Variants in RBFOX1 observed in about 807,000 individuals in gnomAD.
The protein encoded by RBFOX1 is RNA binding protein fox-1 homolog 1.
RBFOX1 carries 8 observed loss-of-function variants against 57.7 expected under a neutral mutation model. That is an observed-to-expected ratio of 0.14 (90% CI 0.08 to 0.25). The LOEUF (loss-of-function observed/expected upper bound fraction) is 0.25, where lower values mean the gene tolerates loss of function less well. Among genes scored for constraint, RBFOX1 ranks in the 10% least tolerant of loss-of-function variants. The probability of loss-of-function intolerance (pLI) is 1.00; values close to 1 mark genes in which losing one functional copy is unlikely to be tolerated. For synonymous variants in RBFOX1, 326 were observed against 222.4 expected (o/e 1.47, Z -4.15); for missense variants, 611 against 548.5 (o/e 1.11, Z -1.14).
At chr16:7,507,883 G>C (rs955984838) in intron 4 of RBFOX1, among the ~76,000 whole-genome samples, 19 of 150,050 alleles carry the variant, frequency 1.3e-4, no homozygotes, top group African/African-American at 4.7e-4. Flanking sequence ...ATTTTTAAAA[G>C]AATACATAAG....
At chr16:6,518,797 GTCTATCTATCTATCTATCTATCTA>G (rs58687392) in intron 2 of RBFOX1, among the ~76,000 whole-genome samples, 1 of 103,980 alleles carries the variant, frequency 9.6e-6, no homozygotes, top group Admixed American at 1.1e-4. Context: ...CTGTGTGTCT[GTCTATCTATCTATCTATCTATCTA>G]TCTATCTATC....
chr16:7,419,153 C>A (rs982896140), intron 4 of RBFOX1, among the ~76,000 whole-genome samples: 1 of 152,248 alleles, frequency 6.6e-6, no homozygotes, highest in African/African-American at 2.4e-5. Context: ...AGCAGTTCAC[C>A]CACCGTGGCC....
At chr16:5,417,934 C>T (rs9922748) in intron 1 of RBFOX1, among the ~76,000 whole-genome samples, 38,696 of 151,898 alleles carry the variant, frequency 0.25, 5,308 homozygotes, top group South Asian at 0.32. Context: ...TACAAAAATT[C>T]GCTGGGTGTT....
Position 5,295,646 on chromosome 16 carries a change from A to T in RBFOX1, c.219+55541A>T, listed in dbSNP as rs74003854. Among the ~76,000 whole-genome samples the T allele has an allele frequency of 6.9e-3, 1,054 of 152,286 alleles. 16 individuals are homozygous for T. The highest frequency in any genetic ancestry group is 0.023 in the African/African-American group (969 of 41,546). On this transcript the variant is annotated intron_variant, in intron 1 of 2. Coordinates refer to the RBFOX1 transcript ENST00000585867. ...GGGCCTCTCCATCTGGCCGCTCATG[A>T]CATGGCAGCTCACATCTTCAAAGCC...
intron 3 of RBFOX1, among the ~76,000 whole-genome samples, chr16:5,842,104 GAGAGAGGCCTGGA>G (rs2056640128): frequency 6.6e-6 from 1 of 152,126 alleles, no homozygotes; most frequent in Non-Finnish European, 1.5e-5. Flanking sequence ...CAGGTTCCTG[GAGAGAGGCCTGGA>G]AGAGTGAGAA....
intron 3 of RBFOX1, among the ~76,000 whole-genome samples, chr16:6,732,634 A>T (rs780126054): frequency 4.1e-4 from 63 of 152,246 alleles, no homozygotes; most frequent in Non-Finnish European, 8.4e-4. Context: ...ATGTAAGGAC[A>T]GTGACATTGG....
At chr16:6,526,829 C>CAAAAAAAAAAAAAAAAAAAAAA (rs541468859) in intron 2 of RBFOX1, among the ~76,000 whole-genome samples, 2 of 32,892 alleles carry the variant, frequency 6.1e-5, no homozygotes, top group African/African-American at 1.1e-4. Context: ...GACTCTGTCT[C>CAAAAAAAAAAAAAAAAAAAAAA]AAAAAAAAAA....
At chr16:6,895,586 T>A (rs573573256) in intron 3 of RBFOX1, among the ~76,000 whole-genome samples, 1 of 150,846 alleles carries the variant, frequency 6.6e-6, no homozygotes, top group Non-Finnish European at 1.5e-5. Context: ...TTCAGAAAAT[T>A]TTTTTAAAGG....
At chr16:7,592,581 T>A (rs1025722946) in intron 7 of RBFOX1, among the ~76,000 whole-genome samples, 2 of 152,192 alleles carry the variant, frequency 1.3e-5, no homozygotes, top group African/African-American at 2.4e-5. Flanking sequence ...TGGATTTTCT[T>A]TTCTTGCCGG....
chr16:6,784,178 T>C (rs2081512655), intron 3 of RBFOX1, among the ~76,000 whole-genome samples: 1 of 152,140 alleles, frequency 6.6e-6, no homozygotes, highest in Non-Finnish European at 1.5e-5. Context: ...TGAAAAGTTG[T>C]CTGTTATTTT....
intron 2 of RBFOX1, among the ~76,000 whole-genome samples, chr16:6,364,392 A>G (rs2089193632): frequency 6.6e-6 from 1 of 152,020 alleles, no homozygotes; most frequent in Non-Finnish European, 1.5e-5. Flanking sequence ...CTCCAACATT[A>G]AAGACATTTG....
intron 2 of RBFOX1, among the ~76,000 whole-genome samples, chr16:5,532,595 T>G (rs1216944312): frequency 6.6e-6 from 1 of 152,182 alleles, no homozygotes; most frequent in South Asian, 2.1e-4. Context: ...GGGTTATTAG[T>G]TGAATGGATG....
chr16:7,499,218 A>G (rs1444636183), intron 4 of RBFOX1, among the ~76,000 whole-genome samples: 2 of 152,128 alleles, frequency 1.3e-5, no homozygotes, highest in East Asian at 1.9e-4. Flanking sequence ...CTGCTCTCCT[A>G]TCTTCTGGAA....
chr16:5,368,381 G>A (rs916993171), intron 1 of RBFOX1, among the ~76,000 whole-genome samples: 1 of 152,078 alleles, frequency 6.6e-6, no homozygotes, highest in Non-Finnish European at 1.5e-5. Flanking sequence ...TGCAATGTCG[G>A]GGCACCTAAC....
chr16:5,968,420 G>C (rs1466981171), intron 4 of RBFOX1, among the ~76,000 whole-genome samples: 2 of 152,160 alleles, frequency 1.3e-5, no homozygotes, highest in Non-Finnish European at 2.9e-5. Flanking sequence ...TCTCTTCTCT[G>C]AGTTACTGCA....
chr16:7,562,447 G>A lies in RBFOX1; in HGVS notation c.271-17330G>A, dbSNP rs2090611600. The stretch of plus-strand genomic sequence containing the variant: ...GGACCCTCATCTGAAAGGAGAGTTG[G>A]AAGCAATGACCATTGGCAACAGCCT... On this transcript the variant is annotated intron_variant, in intron 5 of 15. Coordinates refer to ENST00000550418, the MANE Select transcript of RBFOX1 (RefSeq NM_018723.4). Among the ~76,000 whole-genome samples, 3 of 152,132 alleles carry A rather than the reference G, an allele frequency of 2.0e-5. No individual in the cohort carries two copies. In the South Asian group the frequency reaches 6.2e-4, roughly 32 times the overall value.
chr16:6,511,105 G>A (rs1042134258), intron 2 of RBFOX1, among the ~76,000 whole-genome samples: 9 of 152,126 alleles, frequency 5.9e-5, no homozygotes, highest in South Asian at 2.1e-4. Context: ...GCTTTTCCAC[G>A]TAAGAGCAGG....
intron 4 of RBFOX1, among the ~76,000 whole-genome samples, chr16:7,288,318 A>G (rs141706356): frequency 5.9e-5 from 9 of 152,334 alleles, no homozygotes; most frequent in African/African-American, 2.2e-4. Context: ...GCATCATACA[A>G]TAAAGTAGAA....
chr16:6,458,484 C>G (rs1216850068), intron 2 of RBFOX1, among the ~76,000 whole-genome samples: 1 of 152,152 alleles, frequency 6.6e-6, no homozygotes, highest in Non-Finnish European at 1.5e-5. Context: ...CAGAGATATA[C>G]CAGGTGCTAA....
Sources: allele counts gnomAD v4.1 joint callset (sites outside exome capture counted in the v4.1 genomes callset), GRCh38; gene constraint gnomAD v4.1.1; transcripts MANE v1.5; gene names NCBI Gene and HGNC (gene_info 2026-07-23, HGNC 2026-07-21).